Variants in SEMA3D observed in about 807,000 individuals in gnomAD.
The protein encoded by SEMA3D is semaphorin-3D.
SEMA3D carries 84 observed loss-of-function variants against 100.1 expected under a neutral mutation model. The ratio of observed to expected loss-of-function variants is 0.84; its 90% CI spans 0.70 to 1.01. SEMA3D has a LOEUF of 1.01. Ranked by LOEUF, SEMA3D falls within the 50% of genes least tolerant of loss-of-function variation. SEMA3D has a pLI of 0.00. For synonymous variants in SEMA3D, 312 were observed against 320.7 expected (o/e 0.97, Z 0.29); for missense variants, 875 against 934.1 (o/e 0.94, Z 0.82).
Position 85,097,905 on chromosome 7 carries a change from T to C in SEMA3D, c.212A>G (p.Gln71Arg), listed in dbSNP as rs777476976. ...FLGSSEGLDFQTLLLDEERGR... is the reference protein window; with the variant it reads ...FLGSSEGLDFRTLLLDEERGR... ...TCTTTCCTCATCTAAGAGAAGAGTT[T>C]GAAAATCCAGTCCTTCTGATGAACC... Residue 71 changes from glutamine (Q) to arginine (R), a missense_variant, in exon 4 of 19, where the codon CAA becomes CGA. Physicochemically the swap from Gln to Arg is conservative, Grantham distance 43. Coordinates refer to ENST00000284136, the MANE Select transcript of SEMA3D (RefSeq NM_001384900.1). 1.2e-6 allele frequency: 2 copies of C among 1,609,418 alleles called. No individual in the cohort carries two copies. The highest frequency in any genetic ancestry group is 1.7e-6 in the Non-Finnish European group (2 of 1,177,062).
chr7:85,142,264 A>T, intron 2 of SEMA3D: 2 of 981,930 alleles, frequency 2.0e-6, no homozygotes. Flanking sequence ...TTTTGAACCA[A>T]CAATATCTAG....
intron 12 of SEMA3D, among the ~76,000 whole-genome samples, chr7:85,034,103 T>C (rs1202707498): frequency 6.6e-6 from 1 of 152,116 alleles, no homozygotes; most frequent in Non-Finnish European, 1.5e-5. Context: ...TACCTGTCGG[T>C]GCCTGACATT....
chr7:85,103,411 T>C (rs566751523), intron 3 of SEMA3D, among the ~76,000 whole-genome samples: 1 of 152,178 alleles, frequency 6.6e-6, no homozygotes, highest in South Asian at 2.1e-4. Flanking sequence ...AGATTGTCCA[T>C]AGTTTTAAAG....
intron 2 of SEMA3D, among the ~76,000 whole-genome samples, chr7:85,125,570 A>T (rs1789544418): frequency 6.6e-6 from 1 of 152,126 alleles, no homozygotes; most frequent in Non-Finnish European, 1.5e-5. Context: ...GGAACAAAAT[A>T]AAGTAAAAAT....
intron 3 of SEMA3D, among the ~76,000 whole-genome samples, chr7:85,114,562 G>T (rs1789183357): frequency 6.6e-6 from 1 of 152,172 alleles, no homozygotes; most frequent in African/African-American, 2.4e-5. Context: ...AAGTATGGGT[G>T]TGTGCTGAGG....
chr7:85,225,152 A>G, the SEMA3D span, among the ~76,000 whole-genome samples: 1 of 138,456 alleles, frequency 7.2e-6, no homozygotes, highest in African/African-American at 2.7e-5. Context: ...TAAAATACAT[A>G]TATATAATAA....
chr7:85,145,538 A>G (rs1790176494), intron 2 of SEMA3D, among the ~76,000 whole-genome samples: 1 of 152,056 alleles, frequency 6.6e-6, no homozygotes, highest in Non-Finnish European at 1.5e-5. Context: ...CAACTCATAG[A>G]TAAGAACTCC....
At chr7:85,215,833 T>A in the SEMA3D span, among the ~76,000 whole-genome samples, 4 of 152,106 alleles carry the variant, frequency 2.6e-5, no homozygotes, top group Non-Finnish European at 4.4e-5. Flanking sequence ...CAAATTACTT[T>A]CATAGCCTTT....
At chr7:85,050,309 G>C (rs1447065727) in intron 9 of SEMA3D, 1 of 153,626 alleles carries the variant, frequency 6.5e-6, no homozygotes, top group African/African-American at 2.4e-5. Context: ...AGTTCTTTGG[G>C]GTGTAAGTTG....
the SEMA3D span, among the ~76,000 whole-genome samples, chr7:85,229,852 C>T: frequency 1.3e-5 from 2 of 152,132 alleles, no homozygotes; most frequent in Admixed American, 1.3e-4. Flanking sequence ...CTTCTACTTA[C>T]TTTTCATTCC....
At position 85,022,481 on chromosome 7, in the gene SEMA3D, T is replaced by C; in HGVS notation, c.1324A>G (p.Arg442Gly). The C allele has an allele frequency of 1.2e-6, 2 of 1,612,630 alleles. No individual in the cohort carries two copies. The highest frequency in any genetic ancestry group is 1.7e-6 in the Non-Finnish European group (2 of 1,178,998). ...GTCAGTCTGTAATCCACATTGATTCTCTTGAACGTTGGTCCTCCTGCAACT... is the reference window on the plus strand; with the variant it reads ...GTCAGTCTGTAATCCACATTGATTCCCTTGAACGTTGGTCCTCCTGCAACT... ...YPVAGGPTFK[R>G]INVDYRLTQI... The change falls in exon 13 of 19, where the codon AGA becomes GGA. Residue 442 changes from arginine to glycine, a missense_variant. Transcript: ENST00000284136.
chr7:85,173,641 TAAGAAA>T (rs1032948889), intron 1 of SEMA3D, among the ~76,000 whole-genome samples: 4 of 152,134 alleles, frequency 2.6e-5, no homozygotes, highest in Admixed American at 6.6e-5. Context: ...ATAGTCTGTT[TAAGAAA>T]AAGAAAAAGT....
the SEMA3D span, among the ~76,000 whole-genome samples, chr7:85,250,037 G>A: frequency 6.6e-6 from 1 of 152,128 alleles, no homozygotes; most frequent in East Asian, 1.9e-4. Context: ...AAAGCAGGGC[G>A]AGGCATTGCC....
At chr7:85,155,162 T>C (rs1002218003) in intron 1 of SEMA3D, among the ~76,000 whole-genome samples, 2 of 152,128 alleles carry the variant, frequency 1.3e-5, no homozygotes, top group Non-Finnish European at 2.9e-5. Context: ...TTTGCTTTAT[T>C]ATCACACTAT....
intron 3 of SEMA3D, among the ~76,000 whole-genome samples, chr7:85,113,696 A>G (rs372044254): frequency 2.0e-5 from 3 of 150,768 alleles, no homozygotes; most frequent in African/African-American, 7.3e-5. Flanking sequence ...GCTTGAACCC[A>G]GGAGGTGGAG....
At chr7:85,231,436 CTTTTTTTTTTTTTTTTT>C in the SEMA3D span, among the ~76,000 whole-genome samples, 1 of 117,872 alleles carries the variant, frequency 8.5e-6, no homozygotes, top group Non-Finnish European at 1.7e-5. Flanking sequence ...CAATCTTTCC[CTTTTTTTTTTTTTTTTT>C]TTTTTTTTTT....
At chr7:85,144,220 T>G (rs1325820506) in intron 2 of SEMA3D, among the ~76,000 whole-genome samples, 1 of 152,140 alleles carries the variant, frequency 6.6e-6, no homozygotes, top group Non-Finnish European at 1.5e-5. Context: ...GATGCTGAAT[T>G]TTATTAGCAA....
At chr7:85,153,543 A>ATCTG (rs1407414050) in intron 2 of SEMA3D, 65 bp downstream of exon 2, 3 of 149,412 alleles carry the variant, frequency 2.0e-5, no homozygotes, top group African/African-American at 7.5e-5. Context: ...GCATCTATCT[A>ATCTG]TCTATCTATC....
chr7:85,224,844 G>GA, the SEMA3D span, among the ~76,000 whole-genome samples: 1 of 151,712 alleles, frequency 6.6e-6, no homozygotes, highest in Non-Finnish European at 1.5e-5. Context: ...TGATAAGCAT[G>GA]AAAATCTCAT....
Sources: allele counts gnomAD v4.1 joint callset (sites outside exome capture counted in the v4.1 genomes callset), GRCh38; gene constraint gnomAD v4.1.1; transcripts MANE v1.5; gene names NCBI Gene and HGNC (gene_info 2026-07-23, HGNC 2026-07-21).